THOC1: variants seen among roughly 807,000 people sequenced by gnomAD.
THOC1 encodes THO complex subunit 1, also known as THO complex 1.
In THOC1, 29 loss-of-function variants were observed where a neutral mutation model predicts 97.3. That is an observed-to-expected ratio of 0.30 (90% CI 0.22 to 0.41). The LOEUF (loss-of-function observed/expected upper bound fraction) is 0.41. THOC1 is among the 10% of genes least tolerant of loss of function. The pLI is 1.00. For synonymous variants in THOC1, 255 were observed against 257.0 expected, an observed-to-expected ratio of 0.99 and a Z score of 0.07; for missense variants, 529 against 761.9, an observed-to-expected ratio of 0.69 and a Z score of 3.60.
chr18:254,363 A>G lies in THOC1; in HGVS notation c.521-8T>C. The G allele has an allele frequency of 6.5e-7, 1 of 1,538,292 alleles. No homozygotes were observed. The highest frequency in any genetic ancestry group is 8.8e-7 in the Non-Finnish European group (1 of 1,133,802). ...GACTCTGCAAGTTAAGACCTAGTAA[A>G]AAAACAAAAAAAAGATGCAAAGCAA... On this transcript the variant is annotated splice_polypyrimidine_tract_variant and splice_region_variant and intron_variant, in intron 7 of 20. Coordinates refer to ENST00000261600, the MANE Select transcript of THOC1 (RefSeq NM_005131.3). This position sits in a 1 kb window ranked among gnomAD's most constrained non-coding sequence, Gnocchi z 4.1.
chr18:221,612 T>G (rs1911080767), intron 17 of THOC1, among the ~76,000 whole-genome samples: 1 of 145,890 alleles, frequency 6.9e-6, no homozygotes, highest in Non-Finnish European at 1.5e-5. Context: ...GGATCTTTTT[T>G]TTTTTTTTTT....
At chr18:229,324 C>A (rs191796109) in intron 11 of THOC1, among the ~76,000 whole-genome samples, 30 of 152,284 alleles carry the variant, frequency 2.0e-4, no homozygotes, top group Admixed American at 1.7e-3. Flanking sequence ...TGACTATAGG[C>A]ACTGTTGCCA....
chr18:225,047 A>C, intron 14 of THOC1, 42 bp downstream of exon 14: 1 of 1,565,472 alleles, frequency 6.4e-7, no homozygotes, highest in Non-Finnish European at 8.7e-7. Context: ...CTGAAGTTCT[A>C]TTTCGTGCTA....
At position 214,790 on chromosome 18, in the gene THOC1, A is replaced by G; in HGVS notation, c.1810T>C (p.Cys604Arg). ...CTCATCTTCATGTCTTCACTGTCACACTCAATCTGCCTAATTTCTGAGTCT... is the reference window on the plus strand; with the variant it reads ...CTCATCTTCATGTCTTCACTGTCACGCTCAATCTGCCTAATTTCTGAGTCT... ...MKDSEIRQIE[C>R]DSEDMKMRAK... Residue 604 changes from cysteine (C) to arginine (R), a missense_variant, in exon 21 of 21, where the codon TGT becomes CGT. Physicochemically the swap from Cys to Arg is radical, Grantham distance 180. Around this residue, in one of 8 missense-constraint regions of THOC1, gnomAD observed 98 missense variants for 111.9 expected, o/e 0.88. Transcript: ENST00000261600. 1.2e-6 allele frequency: 2 copies of G among 1,613,834 alleles called. No homozygotes were observed.
chr18:261,816 G>A (rs1212782127), intron 4 of THOC1, among the ~76,000 whole-genome samples: 1 of 152,140 alleles, frequency 6.6e-6, no homozygotes, highest in Non-Finnish European at 1.5e-5. Flanking sequence ...CCAAAATTCT[G>A]AGTCAGTAGA....
chr18:246,916 C>CAAAAAAAAAAAAAAAAAAAAAA (rs36101469), intron 10 of THOC1, among the ~76,000 whole-genome samples: 1 of 98,230 alleles, frequency 1.0e-5, no homozygotes, highest in Non-Finnish European at 2.1e-5. Flanking sequence ...GGCTCCGTCT[C>CAAAAAAAAAAAAAAAAAAAAAA]AAAAAAAAAA....
chr18:253,998 C>T (rs1190767831), intron 8 of THOC1, among the ~76,000 whole-genome samples: 1 of 151,134 alleles, frequency 6.6e-6, no homozygotes, highest in Non-Finnish European at 1.5e-5. Flanking sequence ...GCAGCTTGAC[C>T]TCCCTGGGCT....
intron 4 of THOC1, among the ~76,000 whole-genome samples, chr18:263,122 C>T (rs1183362416): frequency 1.3e-5 from 2 of 152,064 alleles, no homozygotes; most frequent in Non-Finnish European, 2.9e-5. Context: ...GCTCTGTTGC[C>T]CAGGCTGGAG....
intron 11 of THOC1, among the ~76,000 whole-genome samples, chr18:243,702 A>G (rs1187688297): frequency 6.6e-6 from 1 of 152,184 alleles, no homozygotes; most frequent in Non-Finnish European, 1.5e-5. Flanking sequence ...ACACCTCTGC[A>G]TTCTAAAAGT....
intron 7 of THOC1, among the ~76,000 whole-genome samples, chr18:257,085 G>A (rs989221098): frequency 1.3e-5 from 2 of 152,162 alleles, no homozygotes; most frequent in African/African-American, 2.4e-5. Flanking sequence ...ACAGCATAGT[G>A]TAAACATAAC....
chr18:233,115 A>T (rs1043735893), intron 11 of THOC1, among the ~76,000 whole-genome samples: 3 of 152,198 alleles, frequency 2.0e-5, no homozygotes, highest in Admixed American at 2.0e-4. Context: ...GTAGCTCAAG[A>T]AATCTCTCCC....
intron 9 of THOC1, among the ~76,000 whole-genome samples, chr18:249,057 T>C (rs919192182): frequency 1.3e-5 from 2 of 152,172 alleles, no homozygotes; most frequent in African/African-American, 4.8e-5. Flanking sequence ...GCCTATTCTT[T>C]TAATTTTTAA....
intron 17 of THOC1, among the ~76,000 whole-genome samples, chr18:220,819 AT>A (rs1911052207): frequency 6.6e-6 from 1 of 151,372 alleles, no homozygotes; most frequent in Non-Finnish European, 1.5e-5. Context: ...TTCTCTTTTG[AT>A]TTTGTTATCT....
At chr18:259,924 G>A (rs1236868823) in intron 5 of THOC1, 194 bp from the exon 6 acceptor site, 4 of 538,760 alleles carry the variant, frequency 7.4e-6, no homozygotes, top group East Asian at 3.3e-5. Flanking sequence ...ATGATACTAA[G>A]TAACTGTTTT....
At position 226,850 on chromosome 18, in the gene THOC1, G is replaced by C; in HGVS notation, c.970C>G (p.Gln324Glu). 6.2e-7 allele frequency: 1 copy of C among 1,612,020 alleles called. No individual in the cohort carries two copies. The change falls in exon 12 of 21, where the codon CAG becomes GAG. Residue 324 changes from glutamine (Q) to glutamate (E), a missense_variant. Physicochemically the swap from Gln to Glu is conservative, Grantham distance 29. Transcript: ENST00000261600. ...AGATATTGGAATAAAATGAGATACT[G>C]CAACAGGATGTGTCGACGAAAGTTA... Reference protein sequence around the residue: ...DSNFRRHILLQYLILFQYLKG... With the variant: ...DSNFRRHILLEYLILFQYLKG...
intron 19 of THOC1, 101 bp downstream of exon 19, chr18:216,385 G>C: frequency 7.7e-7 from 1 of 1,300,218 alleles, no homozygotes; most frequent in South Asian, 1.5e-5. Context: ...GTGGATCACT[G>C]GTTTTTCACA....
chr18:228,527 G>A (rs201041517), intron 11 of THOC1, among the ~76,000 whole-genome samples: 1 of 150,688 alleles, frequency 6.6e-6, no homozygotes. Flanking sequence ...ATGTAAGGGG[G>A]AAAAAAAAAC....
Position 225,075 on chromosome 18 carries a change from TA to T in THOC1, c.1137+13del. 2 of 1,571,770 alleles carry T rather than the reference TA, an allele frequency of 1.3e-6. No homozygotes were observed. Among genetic ancestry groups the T allele is most frequent in the Non-Finnish European group, 1.7e-6 (2 of 1,156,446 alleles). ...TCGTGCTAAGAAGAGGATGTAAGCA[TA>T]AAAAACACATACCTCTACCATCTTT... On this transcript the variant is annotated intron_variant, in intron 14 of 20. Transcript: ENST00000261600.
intron 11 of THOC1, among the ~76,000 whole-genome samples, chr18:240,099 T>C (rs980023878): frequency 5.3e-5 from 8 of 152,268 alleles, no homozygotes; most frequent in African/African-American, 9.6e-5. Context: ...CTTTCTGTTA[T>C]AGTCAGTATT....
Sources: gnomAD v4.1 joint callset for allele counts (sites outside exome capture counted in the v4.1 genomes callset) on GRCh38, gnomAD v4.1.1 for gene constraint, gnomAD v4.1.1 regional missense constraint, Gnocchi (gnomAD v3.1) non-coding constraint, MANE v1.5 for transcripts, NCBI Gene and HGNC (gene_info 2026-07-23, HGNC 2026-07-21) for gene names.